The following CCPG1 variants were observed in gnomAD, a reference collection of about 807,000 sequenced individuals.
CCPG1 encodes cell cycle progression protein 1.
A neutral mutation model predicts 81.3 loss-of-function variants in CCPG1; 46 were observed. The observed-to-expected ratio is 0.57, with a 90% CI of 0.45 to 0.72. The LOEUF is 0.72. CCPG1 is among the 30% of genes least tolerant of loss of function. The pLI is 0.00. For missense variants in CCPG1, 902 were observed against 937.6 expected, an observed-to-expected ratio of 0.96 and a Z score of 0.50; for synonymous variants, 330 against 305.2, an observed-to-expected ratio of 1.08 and a Z score of -0.85.
intron 6 of CCPG1, 58 bp from the exon 7 acceptor site, chr15:55,365,367 A>T: frequency 1.9e-6 from 2 of 1,034,462 alleles, no homozygotes; most frequent in Non-Finnish European, 1.4e-6. Context: ...TAAATGTTTT[A>T]TGTATTTTTT....
At chr15:55,365,038 T>C (rs1310207734) in intron 7 of CCPG1, 150 bp downstream of exon 7, 2 of 532,388 alleles carry the variant, frequency 3.8e-6, no homozygotes, top group South Asian at 3.0e-5. Flanking sequence ...CTCATGACAA[T>C]GACTAGGACA....
chr15:55,373,092 A>T, intron 5 of CCPG1: 1 of 496,350 alleles, frequency 2.0e-6, no homozygotes, highest in Non-Finnish European at 4.1e-6. Flanking sequence ...AGTAGAGAAA[A>T]ACAAACTAGT....
At position 55,381,320 on chromosome 15, in the gene CCPG1, TG is replaced by T. The variant is rs1423440215; in HGVS notation, c.176-2945del. ...ATAGCTGGGCATAGTGGCAGGCACCTGTAATCCAAGCTACACAGGAGGCTGA... is the reference window on the plus strand; with the variant it reads ...ATAGCTGGGCATAGTGGCAGGCACCTTAATCCAAGCTACACAGGAGGCTGA... On this transcript the variant is annotated intron_variant, in intron 3 of 8. Coordinates refer to ENST00000442196, the MANE Select transcript of CCPG1 (RefSeq NM_001204450.2). Among the ~76,000 whole-genome samples, 20 of 150,936 alleles carry T rather than the reference TG, an allele frequency of 1.3e-4. 1 individual carries two copies. Among genetic ancestry groups the T allele is most frequent in the Admixed American group, 1.3e-3 (20 of 15,140 alleles).
intron 3 of CCPG1, among the ~76,000 whole-genome samples, chr15:55,378,753 G>A (rs1454215016): frequency 6.6e-5 from 10 of 151,708 alleles, no homozygotes; most frequent in African/African-American, 1.9e-4. Context: ...ACAGACATAC[G>A]CCACGGCTAA....
chr15:55,393,675 G>T (rs1388430424), intron 1 of CCPG1, among the ~76,000 whole-genome samples: 1 of 152,082 alleles, frequency 6.6e-6, no homozygotes, highest in Non-Finnish European at 1.5e-5. Context: ...TGTCACTCAG[G>T]CTGGAGTACA....
Position 55,389,492 on chromosome 15 carries a change from C to A in CCPG1, c.-9-59G>T, listed in dbSNP as rs2056871994. 5 of 1,190,696 alleles carry A rather than the reference C, an allele frequency of 4.2e-6. No individual in the cohort carries two copies. In the Admixed American group the frequency reaches 7.0e-5, roughly 17 times the overall value. The allele number at this position is 1,190,696 out of a possible 1,614,324, so 73.8% of individuals were successfully genotyped here. ...ACATTTTTTTTAATTCTATAGGAAGCACTATATGTGACACTAAGTTTGAAA... is the reference window on the plus strand; with the variant it reads ...ACATTTTTTTTAATTCTATAGGAAGAACTATATGTGACACTAAGTTTGAAA... On this transcript the variant is annotated intron_variant, in intron 1 of 8. Transcript: ENST00000442196.
At chr15:55,391,887 A>AGGC (rs1555409782) in intron 1 of CCPG1, among the ~76,000 whole-genome samples, 2 of 44,740 alleles carry the variant, frequency 4.5e-5, no homozygotes, top group Non-Finnish European at 8.5e-5. Flanking sequence ...AAAAAAAAAA[A>AGGC]GGGGGGGGGG....
At chr15:55,361,091 A>G in intron 7 of CCPG1, 147 bp from the exon 8 acceptor site, 1 of 833,540 alleles carries the variant, frequency 1.2e-6, no homozygotes, top group Non-Finnish European at 1.7e-6. Context: ...TAGTATAAAC[A>G]TTGGGAAATA....
At chr15:55,359,495 A>G (rs765394417) in intron 8 of CCPG1, 44 bp downstream of exon 8, 2 of 1,532,932 alleles carry the variant, frequency 1.3e-6, no homozygotes, top group Non-Finnish European at 1.7e-6. Context: ...CCAATCTACA[A>G]ATGTTACAAA....
rs1429678064 is a variant in CCPG1 at position 55,407,242 on chromosome 15, AT to A, written c.-10+978del. Reference sequence around the variant, plus strand: ...AAACCCTCTCTCAAAAAAAAAAAAAATATGAATTAAAATAATACCCTCACCA... The same window carrying A: ...AAACCCTCTCTCAAAAAAAAAAAAAAATGAATTAAAATAATACCCTCACCA... On this transcript the variant is annotated intron_variant, in intron 1 of 8. Coordinates refer to ENST00000442196, the MANE Select transcript of CCPG1 (RefSeq NM_001204450.2). 1.7e-3 allele frequency among the ~76,000 whole-genome samples: 248 copies of A among 144,778 alleles called. 1 individual carries two copies. Among genetic ancestry groups the A allele is most frequent in the African/African-American group, 6.0e-3 (243 of 40,300 alleles). 95.0% of individuals were successfully genotyped at this position (144,778 alleles called of 152,430 possible). A position where few individuals can be genotyped will look rare whatever the true frequency, so the allele number is the denominator to read the frequency against.
chr15:55,355,417 G>T lies in CCPG1; in HGVS notation c.*803C>A. ...GGAAGTTAAAAGGGAAATTCAACATGAAGATGAAATTCTGAACTTTCCTAG... is the reference window on the plus strand; with the variant it reads ...GGAAGTTAAAAGGGAAATTCAACATTAAGATGAAATTCTGAACTTTCCTAG... On this transcript the variant is annotated 3_prime_UTR_variant, in exon 9 of 9. Transcript: ENST00000442196. 1 of 1,606,694 alleles carries T rather than the reference G, an allele frequency of 6.2e-7. No individual in the cohort carries two copies. The highest frequency in any genetic ancestry group is 8.5e-7 in the Non-Finnish European group (1 of 1,177,240).
intron 1 of CCPG1, among the ~76,000 whole-genome samples, chr15:55,407,041 C>G (rs376020550): frequency 1.6e-5 from 2 of 122,828 alleles, no homozygotes; most frequent in Non-Finnish European, 3.5e-5. Context: ...GTTGAGACCC[C>G]CCCCCCCGCC....
At chr15:55,369,499 A>C (rs1161536615) in intron 6 of CCPG1, among the ~76,000 whole-genome samples, 2 of 151,788 alleles carry the variant, frequency 1.3e-5, no homozygotes, top group African/African-American at 2.4e-5. Context: ...CACGCACTGC[A>C]CTCCAGCCTG....
At chr15:55,368,769 G>C (rs1216806811) in intron 6 of CCPG1, among the ~76,000 whole-genome samples, 1 of 152,206 alleles carries the variant, frequency 6.6e-6, no homozygotes, top group African/African-American at 2.4e-5. Context: ...TATGGCACCA[G>C]GGCTGGCAAA....
intron 1 of CCPG1, among the ~76,000 whole-genome samples, chr15:55,406,123 C>A (rs1411555152): frequency 6.6e-6 from 1 of 152,194 alleles, no homozygotes; most frequent in East Asian, 1.9e-4. Flanking sequence ...CCTTGGCTTC[C>A]CAAAGTCCTG....
intron 7 of CCPG1, among the ~76,000 whole-genome samples, chr15:55,363,829 A>G (rs1481412633): frequency 2.0e-5 from 2 of 102,174 alleles, no homozygotes; most frequent in African/African-American, 9.2e-5. Flanking sequence ...TTTTTGAGAC[A>G]GTCTTCCTCT....
In CCPG1 at chr15:55,390,824, A is replaced by G. The variant is rs2056899783; in HGVS notation, c.-9-1391T>C. ...TAACATGTTTCAAATGAATTATTCA[A>G]AACCTGAAATAAGGTATCAATTGTA... On this transcript the variant is annotated intron_variant, in intron 1 of 8. Transcript: ENST00000442196. Among the ~76,000 whole-genome samples the G allele has an allele frequency of 2.0e-5, 3 of 152,230 alleles. No homozygotes were observed. The South Asian group carries it at 6.2e-4, about 31-fold the overall frequency.
chr15:55,383,053 C>G (rs547693272), intron 3 of CCPG1, among the ~76,000 whole-genome samples: 1 of 152,302 alleles, frequency 6.6e-6, no homozygotes, highest in African/African-American at 2.4e-5. Context: ...AGAACAATCA[C>G]TATCTATAGC....
intron 5 of CCPG1, among the ~76,000 whole-genome samples, chr15:55,373,387 C>T (rs778883144): frequency 2.0e-5 from 3 of 152,172 alleles, no homozygotes; most frequent in Non-Finnish European, 2.9e-5. Flanking sequence ...ACAGGATATC[C>T]ATGCCACAGG....
Sources: gnomAD v4.1 joint callset for allele counts (sites outside exome capture counted in the v4.1 genomes callset) on GRCh38, gnomAD v4.1.1 for gene constraint, MANE v1.5 for transcripts, NCBI Gene and HGNC (gene_info 2026-07-23, HGNC 2026-07-21) for gene names.